ADGRV1: variants seen among roughly 807,000 people sequenced by gnomAD.
The protein encoded by ADGRV1 is adhesion G protein-coupled receptor V1.
In ADGRV1, 359 loss-of-function variants were observed where a neutral mutation model predicts 596.2. That is an observed-to-expected ratio of 0.60 (90% CI 0.55 to 0.66). The LOEUF (loss-of-function observed/expected upper bound fraction) is 0.66, where lower values mean the gene tolerates loss of function less well. ADGRV1 is among the 30% of genes least tolerant of loss of function. ADGRV1 has a pLI of 0.00. For synonymous variants in ADGRV1, 2,681 were observed against 2,679.2 expected, an observed-to-expected ratio of 1.00 and a Z score of -0.02; for missense variants, 7,274 against 7,575.6, an observed-to-expected ratio of 0.96 and a Z score of 1.48.
At chr5:91,040,950 CTCT>C (rs1785288806) in intron 85 of ADGRV1, among the ~76,000 whole-genome samples, 1 of 152,164 alleles carries the variant, frequency 6.6e-6, no homozygotes, top group Non-Finnish European at 1.5e-5. Context: ...ACCCAATCTT[CTCT>C]TCTTCTCTAG....
At position 91,089,889 on chromosome 5, in the gene ADGRV1, T is replaced by C. The variant is rs571762925; in HGVS notation, c.18311-12330T>C. Among the ~76,000 whole-genome samples, 93 of 152,292 alleles carry C rather than the reference T, an allele frequency of 6.1e-4. 1 individual carries two copies. In the South Asian group the frequency reaches 7.7e-3, roughly 13 times the overall value. On this transcript the variant is annotated intron_variant, in intron 86 of 89. Transcript: ENST00000405460. ...TACAAAAGTTAAGTGTGTTGGAAAA[T>C]TGCTGTTAGCTGCCTGAGCATGCCT...
intron 82 of ADGRV1, among the ~76,000 whole-genome samples, chr5:90,859,784 A>T (rs1767369317): frequency 6.6e-6 from 1 of 152,080 alleles, no homozygotes; most frequent in African/African-American, 2.4e-5. Flanking sequence ...TGAATTTTTA[A>T]GTCTATTTCA....
intron 75 of ADGRV1, among the ~76,000 whole-genome samples, chr5:90,817,785 G>A (rs949939338): frequency 7.2e-5 from 11 of 151,998 alleles, no homozygotes; most frequent in African/African-American, 2.4e-4. Context: ...CTCTGTTTTG[G>A]TACCAGTACC....
In ADGRV1 at chr5:90,629,297, G is replaced by A. The variant is rs760608953; in HGVS notation, c.1597G>A (p.Gly533Ser). 5 of 1,613,374 alleles carry A rather than the reference G, an allele frequency of 3.1e-6. No individual in the cohort carries two copies. The South Asian group carries it at 5.5e-5, about 18-fold the overall frequency. The change falls in exon 9 of 90, where the codon GGT (glycine) becomes AGT (serine). Residue 533 changes from glycine to serine, a missense_variant. Around this residue, in one of 5 missense-constraint regions of ADGRV1, gnomAD observed 1,715 missense variants for 1,708.8 expected, o/e 1.00. Transcript: ENST00000405460. ...AAACCAGAAGATTGAAAGCAGCCCA[G>A]GTGAACGATACTTATCCTTGAGTTT... ...MENQKIESSP[G>S]ERYLSLSFTR...
chr5:90,817,086 T>C (rs1413866815), intron 75 of ADGRV1, among the ~76,000 whole-genome samples: 1 of 152,248 alleles, frequency 6.6e-6, no homozygotes, highest in Non-Finnish European at 1.5e-5. Flanking sequence ...GTTTCCTGAC[T>C]TATTAATGAT....
At chr5:90,846,850 G>T (rs925686396) in intron 78 of ADGRV1, among the ~76,000 whole-genome samples, 6 of 152,272 alleles carry the variant, frequency 3.9e-5, no homozygotes, top group African/African-American at 1.4e-4. Context: ...ACAGAGAGCC[G>T]ATTGGTCTGT....
chr5:90,733,954 T>C (rs895385139), intron 50 of ADGRV1, among the ~76,000 whole-genome samples: 22 of 152,312 alleles, frequency 1.4e-4, no homozygotes, highest in Admixed American at 1.1e-3. Context: ...CTGGTGACTA[T>C]TGTTGTACCC....
Position 90,694,532 on chromosome 5 carries a change from T to C in ADGRV1, c.7776T>C (p.Asp2592=), listed in dbSNP as rs769269122. 4 of 1,613,908 alleles carry C rather than the reference T, an allele frequency of 2.5e-6. No homozygotes were observed. The highest frequency in any genetic ancestry group is 2.2e-5 in the South Asian group (2 of 91,086). ...IYNISPNTSE[D]GLFVEVQEQP... ...ATATTAGTCCCAATACTTCCGAAGA[T>C]GGCTTATTTGTTGAAGTTCAGGAGC... Residue 2592 remains aspartate (D), a synonymous_variant, in exon 33 of 90, where the codon GAT becomes GAC. Transcript: ENST00000405460.
intron 70 of ADGRV1, among the ~76,000 whole-genome samples, chr5:90,796,725 A>G (rs1581152888): frequency 6.6e-6 from 1 of 152,200 alleles, no homozygotes; most frequent in East Asian, 1.9e-4. Flanking sequence ...CCAGAGAGAA[A>G]GGTTGGGTTA....
chr5:91,086,452 A>C (rs1324887964), intron 86 of ADGRV1, among the ~76,000 whole-genome samples: 1 of 152,130 alleles, frequency 6.6e-6, no homozygotes, highest in Non-Finnish European at 1.5e-5. Flanking sequence ...CCTAACCTAA[A>C]AGCTAGGGTA....
chr5:91,015,204 T>C (rs1035842814), intron 85 of ADGRV1, among the ~76,000 whole-genome samples: 6 of 152,140 alleles, frequency 3.9e-5, no homozygotes, highest in African/African-American at 1.2e-4. Flanking sequence ...GCAATTGTCT[T>C]AGTCTTGACT....
At position 90,781,577 on chromosome 5, in the gene ADGRV1, A is replaced by T. The variant is rs758792397; in HGVS notation, c.13230A>T (p.Glu4410Asp). The change falls in exon 65 of 90, where the codon GAA becomes GAT. Residue 4410 changes from glutamate (E) to aspartate (D), a missense_variant and splice_region_variant. Coordinates refer to ENST00000405460, the MANE Select transcript of ADGRV1 (RefSeq NM_032119.4). ...IEFDPKYTAF[E>D]VEEDVGLIMI... ...TTGACCCAAAGTATACTGCCTTCGA[A>T]GGTAGGTTCAGTCAGCTAGCTTGTA... 8 of 1,598,342 alleles carry T rather than the reference A, an allele frequency of 5.0e-6. 1 individual carries two copies. The Middle Eastern group carries it at 8.8e-4, about 177-fold the overall frequency.
At position 90,627,597 on chromosome 5, in the gene ADGRV1, G is replaced by T. The variant is rs920194615; in HGVS notation, c.1059G>T (p.Glu353Asp). 6 of 1,613,748 alleles carry T rather than the reference G, an allele frequency of 3.7e-6. No homozygotes were observed. The African/African-American group carries it at 6.7e-5, about 18-fold the overall frequency. ...AAATAGTTGATGACACCATACCGGA[G>T]ATTGCTGAATCGTTTCACATTATGT... is the stretch of plus-strand genomic sequence containing the variant. ...KFQIVDDTIPEIAESFHIMLL... is the reference protein window; with the variant it reads ...KFQIVDDTIPDIAESFHIMLL... Residue 353 changes from glutamate to aspartate, a missense_variant, in exon 7 of 90, where the codon GAG becomes GAT. Glu to Asp is a conservative substitution (Grantham distance 45). Transcript: ENST00000405460.
At chr5:90,699,835 C>G (rs7734799) in intron 34 of ADGRV1, among the ~76,000 whole-genome samples, 4,777 of 152,168 alleles carry the variant, frequency 0.031, 233 homozygotes, top group African/African-American at 0.11. Context: ...AGCTAATTAT[C>G]TGCAGGAGAG....
intron 85 of ADGRV1, among the ~76,000 whole-genome samples, chr5:91,065,983 C>T (rs1787851019): frequency 6.6e-6 from 1 of 152,154 alleles, no homozygotes; most frequent in South Asian, 2.1e-4. Flanking sequence ...GGTTGTAAGA[C>T]CCCAAAAGAC....
At chr5:90,904,460 T>C (rs1280554709) in intron 83 of ADGRV1, among the ~76,000 whole-genome samples, 1 of 152,136 alleles carries the variant, frequency 6.6e-6, no homozygotes, top group Non-Finnish European at 1.5e-5. Context: ...CCAGTTTAAC[T>C]GGGGTGAGCT....
chr5:90,940,963 A>G (rs1455132643), intron 83 of ADGRV1, among the ~76,000 whole-genome samples: 1 of 152,196 alleles, frequency 6.6e-6, no homozygotes, highest in Non-Finnish European at 1.5e-5. Context: ...TTTGTGCTAC[A>G]GCAGTGCTTT....
intron 1 of ADGRV1, among the ~76,000 whole-genome samples, chr5:90,584,187 T>C (rs931581801): frequency 6.6e-6 from 1 of 152,200 alleles, no homozygotes; most frequent in East Asian, 1.9e-4. Flanking sequence ...CAGCATGTAG[T>C]GCTTGGTAAA....
intron 50 of ADGRV1, among the ~76,000 whole-genome samples, chr5:90,734,314 G>T (rs1232677154): frequency 6.6e-6 from 1 of 152,118 alleles, no homozygotes; most frequent in African/African-American, 2.4e-5. Context: ...GGATCATTCT[G>T]TTCATTGTTG....
Sources: gnomAD v4.1 joint callset for allele counts (sites outside exome capture counted in the v4.1 genomes callset) on GRCh38, gnomAD v4.1.1 for gene constraint, gnomAD v4.1.1 regional missense constraint, MANE v1.5 for transcripts, NCBI Gene and HGNC (gene_info 2026-07-23, HGNC 2026-07-21) for gene names.